Variants in BICRAL observed in about 807,000 individuals in gnomAD.
BICRAL encodes the protein BRD4-interacting chromatin-remodeling complex-associated protein-like.
In BICRAL, 8 loss-of-function variants were observed where a neutral mutation model predicts 91.8. The ratio of observed to expected loss-of-function variants is 0.09; its 90% CI spans 0.05 to 0.16. BICRAL has a LOEUF of 0.16. BICRAL is among the 10% of genes least tolerant of loss of function. The probability of loss-of-function intolerance (pLI) is 1.00; values close to 1 mark genes in which losing one functional copy is unlikely to be tolerated. For missense variants in BICRAL, 1,038 were observed against 1,310.9 expected, an observed-to-expected ratio of 0.79 and a Z score of 3.21; for synonymous variants, 445 against 491.1, an observed-to-expected ratio of 0.91 and a Z score of 1.24.
At chr6:42,783,021 TA>T (rs1326613204) in intron 1 of BICRAL, among the ~76,000 whole-genome samples, 1 of 151,708 alleles carries the variant, frequency 6.6e-6, no homozygotes, top group African/African-American at 2.4e-5. Context: ...AGACGGGGTT[TA>T]TTTTTCATCC....
chr6:42,777,854 T>TA (rs1409864707), upstream of BICRAL, among the ~76,000 whole-genome samples: 5 of 152,304 alleles, frequency 3.3e-5, no homozygotes, highest in African/African-American at 9.6e-5. Flanking sequence ...GTGGCCATTT[T>TA]ATTGTACATA....
intron 1 of BICRAL, among the ~76,000 whole-genome samples, chr6:42,758,114 C>G (rs746263305): frequency 2.0e-5 from 3 of 152,144 alleles, no homozygotes; most frequent in Non-Finnish European, 4.4e-5. Flanking sequence ...ATCTCTCTCT[C>G]TGTCTCTCTG....
chr6:42,786,611 C>G (rs1194853340), intron 1 of BICRAL, among the ~76,000 whole-genome samples: 1 of 152,052 alleles, frequency 6.6e-6, no homozygotes, highest in African/African-American at 2.4e-5. Flanking sequence ...GTTAAAAAAT[C>G]AAGATAATGA....
At chr6:42,823,318 C>T (rs549325461) in intron 5 of BICRAL, among the ~76,000 whole-genome samples, 13 of 152,128 alleles carry the variant, frequency 8.5e-5, no homozygotes, top group African/African-American at 1.4e-4. Context: ...GACAGAGTTT[C>T]GCCATGTTAG....
At chr6:42,782,910 C>G (rs1393409259) in intron 1 of BICRAL, among the ~76,000 whole-genome samples, 1 of 150,682 alleles carries the variant, frequency 6.6e-6, no homozygotes, top group Non-Finnish European at 1.5e-5. Flanking sequence ...TCTTTTCTCT[C>G]TCGGAAGCTC....
intron 8 of BICRAL, among the ~76,000 whole-genome samples, chr6:42,854,713 G>A (rs2114023282): frequency 6.6e-6 from 1 of 151,374 alleles, no homozygotes; most frequent in Admixed American, 6.6e-5. Flanking sequence ...AAGAGAAAAC[G>A]TTTTGCCATG....
chr6:42,856,523 C>T (rs1765360490), intron 9 of BICRAL, among the ~76,000 whole-genome samples: 2 of 151,152 alleles, frequency 1.3e-5, no homozygotes, highest in South Asian at 2.1e-4. Flanking sequence ...TATAGGCACC[C>T]GCCATCACGC....
chr6:42,769,443 G>T (rs559050854), intron 1 of BICRAL, among the ~76,000 whole-genome samples: 20 of 152,218 alleles, frequency 1.3e-4, no homozygotes, highest in Non-Finnish European at 2.6e-4. Context: ...CTGGTACACA[G>T]TAGGAGGGAG....
At chr6:42,826,772 T>C (rs1764318861) in intron 5 of BICRAL, among the ~76,000 whole-genome samples, 1 of 151,592 alleles carries the variant, frequency 6.6e-6, no homozygotes, top group South Asian at 2.1e-4. Context: ...TCTGTGAGGG[T>C]CAATTTCCTC....
intron 6 of BICRAL, among the ~76,000 whole-genome samples, chr6:42,845,195 G>GGTTTTTTTTTTTTTTTTTTTTTTTTTTTT (rs1562490931): frequency 7.8e-5 from 2 of 25,568 alleles, no homozygotes; most frequent in East Asian, 1.2e-3. Context: ...TTTTTTGGGT[G>GGTTTTTTTTTTTTTTTTTTTTTTTTTTTT]TTTTTTTTTT....
At chr6:42,843,478 A>G (rs1764873176) in intron 6 of BICRAL, among the ~76,000 whole-genome samples, 1 of 151,892 alleles carries the variant, frequency 6.6e-6, no homozygotes, top group Non-Finnish European at 1.5e-5. Flanking sequence ...CTAAGCATGA[A>G]GTAGACCTAC....
At chr6:42,826,482 G>A (rs1036187324) in intron 5 of BICRAL, among the ~76,000 whole-genome samples, 3 of 151,854 alleles carry the variant, frequency 2.0e-5, no homozygotes, top group African/African-American at 7.3e-5. Context: ...TGATCCACCC[G>A]CCTCGGCCTC....
chr6:42,787,920 A>G (rs1204801763), intron 1 of BICRAL, among the ~76,000 whole-genome samples: 1 of 150,530 alleles, frequency 6.6e-6, no homozygotes. Context: ...TTAAGACAAG[A>G]TGTCACTCAG....
At chr6:42,774,303 C>T (rs1366272782) in intron 1 of BICRAL, among the ~76,000 whole-genome samples, 1 of 152,096 alleles carries the variant, frequency 6.6e-6, no homozygotes, top group Non-Finnish European at 1.5e-5. Flanking sequence ...GAATCATAGA[C>T]AAATGAAAAG....
intron 7 of BICRAL, among the ~76,000 whole-genome samples, chr6:42,852,680 C>A (rs1213042216): frequency 1.9e-4 from 26 of 137,610 alleles, no homozygotes; most frequent in East Asian, 4.2e-4. Flanking sequence ...AAAAAAAAAA[C>A]CCCACTAAGA....
At chr6:42,763,083 A>G (rs1762578734) in intron 1 of BICRAL, among the ~76,000 whole-genome samples, 1 of 152,208 alleles carries the variant, frequency 6.6e-6, no homozygotes, top group Non-Finnish European at 1.5e-5. Context: ...CTCTGGGTGA[A>G]TGAGCCCAAA....
chr6:42,755,217 A>G (rs1436376470), intron 1 of BICRAL, among the ~76,000 whole-genome samples: 1 of 152,020 alleles, frequency 6.6e-6, no homozygotes. Flanking sequence ...ATACTTGGAG[A>G]ATGAAGTTGG....
chr6:42,763,247 T>G (rs1192609033), intron 1 of BICRAL, among the ~76,000 whole-genome samples: 3 of 152,216 alleles, frequency 2.0e-5, no homozygotes, highest in African/African-American at 4.8e-5. Context: ...GTTTAAGATT[T>G]CTTAAAAGAC....
At chr6:42,847,748 C>T (rs1317971266) in intron 6 of BICRAL, among the ~76,000 whole-genome samples, 1 of 152,050 alleles carries the variant, frequency 6.6e-6, no homozygotes, top group Non-Finnish European at 1.5e-5. Flanking sequence ...CATGGTGAAA[C>T]CCTGTCTCTA....
Sources: allele counts gnomAD v4.1 joint callset (sites outside exome capture counted in the v4.1 genomes callset), GRCh38; gene constraint gnomAD v4.1.1; transcripts MANE v1.5; gene names NCBI Gene and HGNC (gene_info 2026-07-23, HGNC 2026-07-21).